The following TBC1D1 variants were observed in gnomAD, a reference collection of about 807,000 sequenced individuals.
The protein encoded by TBC1D1 is TBC1 (tre-2/USP6, BUB2, cdc16) domain family, member 1.
In TBC1D1, 89 loss-of-function variants were observed where a neutral mutation model predicts 125.6. That is an observed-to-expected ratio of 0.71 (90% CI 0.60 to 0.85). TBC1D1 has a LOEUF of 0.85. TBC1D1 is among the 40% of genes least tolerant of loss of function. The pLI, the probability that TBC1D1 is intolerant of heterozygous loss-of-function variation, is 0.00. For synonymous variants in TBC1D1, 565 were observed against 564.1 expected (o/e 1.00, Z -0.02); for missense variants, 1,377 against 1,469.2 (o/e 0.94, Z 1.03).
intron 2 of TBC1D1, among the ~76,000 whole-genome samples, chr4:37,903,412 T>C (rs1716592320): frequency 6.6e-6 from 1 of 152,214 alleles, no homozygotes; most frequent in Admixed American, 6.5e-5. Flanking sequence ...GCTAACCCCA[T>C]GGACTGTGGA....
intron 13 of TBC1D1, among the ~76,000 whole-genome samples, chr4:38,095,689 G>T (rs1759203788): frequency 2.6e-5 from 4 of 152,168 alleles, no homozygotes; most frequent in Admixed American, 2.6e-4. Context: ...CTTAGCAGTA[G>T]AGCCAACAGA....
At chr4:38,095,091 A>T (rs7663704) in intron 13 of TBC1D1, among the ~76,000 whole-genome samples, 30,028 of 152,070 alleles carry the variant, frequency 0.2, 3,282 homozygotes, top group East Asian at 0.47. Context: ...AATGTATTCA[A>T]CAGAGTACGA....
chr4:37,925,429 A>G (rs1334218611), intron 2 of TBC1D1, among the ~76,000 whole-genome samples: 1 of 152,212 alleles, frequency 6.6e-6, no homozygotes, highest in East Asian at 1.9e-4. Flanking sequence ...GATTATAAAA[A>G]TGATACGACT....
chr4:38,097,257 G>C (rs1759508120), intron 14 of TBC1D1, among the ~76,000 whole-genome samples: 1 of 152,024 alleles, frequency 6.6e-6, no homozygotes, highest in Admixed American at 6.5e-5. Context: ...CTGCCTCCCA[G>C]GTTTAAGCTA....
intron 1 of TBC1D1, among the ~76,000 whole-genome samples, chr4:37,895,970 G>A (rs1714477672): frequency 6.6e-6 from 1 of 152,210 alleles, no homozygotes; most frequent in Non-Finnish European, 1.5e-5. Flanking sequence ...AGCCAAGTCA[G>A]TGAGCCTACT....
chr4:38,039,997 C>G (rs1748039761), intron 8 of TBC1D1, among the ~76,000 whole-genome samples: 1 of 151,694 alleles, frequency 6.6e-6, no homozygotes, highest in South Asian at 2.1e-4. Context: ...GTGTCATCTT[C>G]CAAGGAGAAA....
chr4:38,052,907 T>C (rs982698033), intron 11 of TBC1D1, among the ~76,000 whole-genome samples, 199 bp from the exon 13 acceptor site: 1 of 152,214 alleles, frequency 6.6e-6, no homozygotes, highest in Admixed American at 6.5e-5. Context: ...AAAAAATTAT[T>C]GATCCCATTC....
At chr4:38,111,206 C>A (rs981778391) in intron 15 of TBC1D1, among the ~76,000 whole-genome samples, 22 of 152,156 alleles carry the variant, frequency 1.4e-4, no homozygotes, top group African/African-American at 4.8e-4. Flanking sequence ...GCTTTTAATC[C>A]CCCTCATCCA....
intron 2 of TBC1D1, among the ~76,000 whole-genome samples, chr4:37,923,177 A>T: frequency 6.6e-6 from 1 of 151,408 alleles, no homozygotes; most frequent in Admixed American, 6.6e-5. Flanking sequence ...TCACTGTTCA[A>T]CTCCCACTTA....
chr4:38,024,641 TAGA>T (rs1335676075), intron 6 of TBC1D1, among the ~76,000 whole-genome samples: 3 of 152,310 alleles, frequency 2.0e-5, no homozygotes, highest in Non-Finnish European at 2.9e-5. Flanking sequence ...TCTAAAAGTG[TAGA>T]AGAAGTGCAT....
intron 2 of TBC1D1, among the ~76,000 whole-genome samples, chr4:37,968,964 G>C (rs1731554527): frequency 6.6e-6 from 1 of 152,196 alleles, no homozygotes; most frequent in African/African-American, 2.4e-5. Flanking sequence ...ACACTTGGAC[G>C]ATTTGTGGCT....
chr4:37,952,068 T>C (rs558855098), intron 2 of TBC1D1: 28 of 717,590 alleles, frequency 3.9e-5, no homozygotes, highest in Admixed American at 6.0e-5. Context: ...AAGAAAGCCC[T>C]GCCTGGAAAG....
Position 38,078,639 on chromosome 4 carries a change from C to G in TBC1D1, c.2051-11293C>G, listed in dbSNP as rs542601897. ...CCTCTCTCTTCACCCTGTGAGGATA[C>G]AGCAAGAAGGAAGCTCTCTGCAAGT... On this transcript the variant is annotated intron_variant, in intron 12 of 19. Transcript: ENST00000261439. 2.0e-4 allele frequency among the ~76,000 whole-genome samples: 30 copies of G among 152,308 alleles called. 1 individual carries two copies. In the East Asian group the frequency reaches 5.6e-3, roughly 28 times the overall value.
Position 37,961,000 on chromosome 4 carries a change from C to G in TBC1D1, c.418-53509C>G. 2.5e-6 allele frequency: 4 copies of G among 1,614,066 alleles called. No homozygotes were observed. In the South Asian group the frequency reaches 4.4e-5, roughly 18 times the overall value. ...GTCTCCTTCAAGCATTCTGTCGACCCTGGATGTTGAATTGCCAGCTGTTTG... is the reference window on the plus strand; with the variant it reads ...GTCTCCTTCAAGCATTCTGTCGACCGTGGATGTTGAATTGCCAGCTGTTTG... On this transcript the variant is annotated intron_variant, in intron 2 of 19. Coordinates refer to ENST00000261439, the MANE Select transcript of TBC1D1 (RefSeq NM_015173.4).
At chr4:37,899,083 T>G (rs577833188) in intron 1 of TBC1D1, among the ~76,000 whole-genome samples, 1 of 152,236 alleles carries the variant, frequency 6.6e-6, no homozygotes, top group African/African-American at 2.4e-5. Context: ...TTGTGTTGAT[T>G]AAGTTACTCC....
chr4:37,988,278 TA>T (rs1735859020), intron 2 of TBC1D1, among the ~76,000 whole-genome samples: 1 of 152,224 alleles, frequency 6.6e-6, no homozygotes, highest in Admixed American at 6.5e-5. Context: ...GCTACAGTTG[TA>T]TTCAATTCAG....
At chr4:37,993,732 C>T (rs1170539871) in intron 2 of TBC1D1, among the ~76,000 whole-genome samples, 1 of 152,204 alleles carries the variant, frequency 6.6e-6, no homozygotes, top group East Asian at 1.9e-4. Flanking sequence ...CAGGCGCCCG[C>T]CACCGTACCC....
At chr4:37,899,771 G>T (rs1303689366) in intron 1 of TBC1D1, among the ~76,000 whole-genome samples, 1 of 152,192 alleles carries the variant, frequency 6.6e-6, no homozygotes, top group Non-Finnish European at 1.5e-5. Context: ...AAAAGCCTTT[G>T]AAGTATGTGG....
intron 2 of TBC1D1, among the ~76,000 whole-genome samples, chr4:37,925,489 G>T (rs1164073518): frequency 2.0e-5 from 3 of 152,160 alleles, no homozygotes; most frequent in East Asian, 1.9e-4. Flanking sequence ...AGGTCGAGGT[G>T]GGGGGATCAT....
Sources: gnomAD v4.1 joint callset for allele counts (sites outside exome capture counted in the v4.1 genomes callset) on GRCh38, gnomAD v4.1.1 for gene constraint, MANE v1.5 for transcripts, NCBI Gene and HGNC (gene_info 2026-07-23, HGNC 2026-07-21) for gene names.